POLA1: variants seen among roughly 807,000 people sequenced by gnomAD.
The protein encoded by POLA1 is DNA polymerase alpha 1, catalytic subunit, also known as DNA polymerase alpha catalytic subunit.
In POLA1, 15 loss-of-function variants were observed where a neutral mutation model predicts 124.0. That is an observed-to-expected ratio of 0.12 (90% CI 0.08 to 0.19). POLA1 has a LOEUF of 0.19. Ranked by LOEUF, POLA1 falls within the 10% of genes least tolerant of loss-of-function variation. The probability of loss-of-function intolerance (pLI) is 1.00; values close to 1 mark genes in which losing one functional copy is unlikely to be tolerated. For missense variants in POLA1, 886 were observed against 1,103.4 expected (o/e 0.80, Z 2.79); for synonymous variants, 408 against 389.4 (o/e 1.05, Z -0.56).
Position 24,725,048 on chromosome X carries a change from G to A in POLA1, c.1317+597G>A, listed in dbSNP as rs142761209. On this transcript the variant is annotated intron_variant, in intron 12 of 36. Transcript: ENST00000379068. ...TTAACTATTTGAGTTTTGAATTGCC[G>A]CTGATGAGTCAAGTCTTTATAATTC... is the stretch of plus-strand genomic sequence containing the variant. Among the ~76,000 whole-genome samples the A allele has an allele frequency of 2.7e-5, 3 of 111,309 alleles. No homozygotes were observed. The East Asian group carries it at 8.4e-4, about 31-fold the overall frequency.
At chrX:24,820,592 C>G (rs1355954598) in intron 30 of POLA1, among the ~76,000 whole-genome samples, 3 of 111,632 alleles carry the variant, frequency 2.7e-5, no homozygotes, top group Non-Finnish European at 5.6e-5. Context: ...CTTCTAGTGC[C>G]AGCTTAGTTT....
At chrX:24,708,991 C>A (rs1319529351) in intron 4 of POLA1, among the ~76,000 whole-genome samples, 1 of 88,692 alleles carries the variant, frequency 1.1e-5, no homozygotes, top group Non-Finnish European at 2.4e-5. Context: ...ACCTCCCGGA[C>A]GGGGCGGCTG....
intron 31 of POLA1, 66 bp downstream of exon 31, chrX:24,821,649 A>G (rs1320901188): frequency 2.3e-6 from 2 of 866,673 alleles, no homozygotes. Context: ...CCAAATTACC[A>G]CAGTGTCTTA....
chrX:24,732,386 C>T lies in POLA1; in HGVS notation c.1703C>T (p.Ala568Val). The T allele has an allele frequency of 8.4e-7, 1 of 1,195,803 alleles. No individual in the cohort carries two copies. The highest frequency in any genetic ancestry group is 1.1e-6 in the Non-Finnish European group (1 of 881,350). The change falls in exon 16 of 37, where the codon GCT (alanine) becomes GTT (valine). Residue 568 changes from alanine to valine, a missense_variant. By Grantham distance (64) the Ala-to-Val change is moderately conservative. Transcript: ENST00000379068. ...NHQNEIIAMAALVHHSFALDK... is the reference protein window; with the variant it reads ...NHQNEIIAMAVLVHHSFALDK... ...TCTTTGCAGATTATTGCTATGGCAG[C>T]TTTGGTCCATCACAGTTTTGCATTG...
rs776375253 is a variant in POLA1, at chrX:24,743,279, G to A, written c.2516G>A (p.Gly839Glu). ...IDGDTNKYKKGRKKAAYAGGL... is the reference protein window; with the variant it reads ...IDGDTNKYKKERKKAAYAGGL... ...GGAGATACCAATAAATACAAGAAAG[G>A]ACGTAAGAAAGCAGCTTATGCTGGA... Residue 839 changes from glycine (G) to glutamate (E), a missense_variant, in exon 23 of 37, where the codon GGA becomes GAA. By Grantham distance (98) the Gly-to-Glu change is moderately conservative. Around this residue, in one of 7 missense-constraint regions of POLA1, gnomAD observed 182 missense variants for 252.8 expected, o/e 0.72. Transcript: ENST00000379068. 1.6e-5 allele frequency: 19 copies of A among 1,175,334 alleles called. No individual in the cohort carries two copies. The highest frequency in any genetic ancestry group is 4.7e-4 in the Middle Eastern group (2 of 4,283).
chrX:24,748,760 C>A, intron 25 of POLA1, 110 bp from the exon 26 acceptor site: 1 of 786,679 alleles, frequency 1.3e-6, no homozygotes, highest in South Asian at 2.6e-5. Flanking sequence ...CTTTTTTATT[C>A]AGGGATATTG....
At chrX:24,699,648 A>T in intron 2 of POLA1, 99 bp downstream of exon 2, 1 of 661,610 alleles carries the variant, frequency 1.5e-6, no homozygotes, top group South Asian at 6.7e-5. Flanking sequence ...AGAAATACTC[A>T]TATATTTTAA....
At chrX:24,937,175 C>T (rs186281982) in intron 36 of POLA1, among the ~76,000 whole-genome samples, 255 of 111,280 alleles carry the variant, frequency 2.3e-3, no homozygotes, top group African/African-American at 8.1e-3. Context: ...TGTAGAAATA[C>T]GTAAAGAATT....
intron 32 of POLA1, 46 bp downstream of exon 32, chrX:24,826,647 A>G: frequency 2.3e-6 from 2 of 875,179 alleles, no homozygotes; most frequent in Non-Finnish European, 3.3e-6. Flanking sequence ...TAACAGGGGC[A>G]CATGTAGTCT....
intron 26 of POLA1, among the ~76,000 whole-genome samples, chrX:24,784,116 A>G (rs1354430205): frequency 1.1e-5 from 1 of 94,434 alleles, no homozygotes; most frequent in Non-Finnish European, 2.0e-5. Context: ...AAGCTGGCAC[A>G]GTCTCAGCTC....
chrX:24,771,718 G>A (rs1221777621), intron 26 of POLA1, among the ~76,000 whole-genome samples: 2 of 111,692 alleles, frequency 1.8e-5, no homozygotes, highest in Non-Finnish European at 3.8e-5. Flanking sequence ...CCCAGAACAG[G>A]TACTGTTGGT....
chrX:24,969,853 T>G (rs1188698998), intron 36 of POLA1, among the ~76,000 whole-genome samples: 6 of 110,605 alleles, frequency 5.4e-5, no homozygotes, highest in Admixed American at 1.9e-4. Context: ...ACAATGTGTG[T>G]TGTTCTTCCC....
chrX:24,697,964 T>C (rs773977472), intron 1 of POLA1, among the ~76,000 whole-genome samples: 3 of 107,155 alleles, frequency 2.8e-5, no homozygotes, highest in African/African-American at 6.8e-5. Flanking sequence ...TTTTTTGAGA[T>C]AGAGTCTCGC....
At chrX:24,896,815 AG>A (rs2047212241) in intron 35 of POLA1, among the ~76,000 whole-genome samples, 1 of 112,743 alleles carries the variant, frequency 8.9e-6, no homozygotes, top group African/African-American at 3.2e-5. Flanking sequence ...GTTATAAAAT[AG>A]TACCCCTTTA....
chrX:24,742,167 C>G lies in POLA1; in HGVS notation c.2466+46C>G, dbSNP rs368459489. ...TATTTTGTTTTCTCTTAACCCCCCCCCCCCTTTTAATACCTAGATAGCCTT... is the reference window on the plus strand; with the variant it reads ...TATTTTGTTTTCTCTTAACCCCCCCGCCCCTTTTAATACCTAGATAGCCTT... On this transcript the variant is annotated intron_variant, in intron 22 of 36. Coordinates refer to ENST00000379068, the MANE Select transcript of POLA1 (RefSeq NM_001330360.2). The G allele has an allele frequency of 1.2e-4, 107 of 878,496 alleles. 1 individual carries two copies. The highest frequency in any genetic ancestry group is 1.2e-3 in the African/African-American group (53 of 45,380). 72.4% of individuals were successfully genotyped at this position (878,496 alleles called of 1,213,427 possible).
chrX:24,973,675 G>T (rs2048330534), intron 36 of POLA1, among the ~76,000 whole-genome samples: 2 of 111,983 alleles, frequency 1.8e-5, no homozygotes, highest in South Asian at 3.8e-4. Context: ...GCTCTCTTTG[G>T]TTATTCTGAA....
intron 35 of POLA1, among the ~76,000 whole-genome samples, chrX:24,901,370 C>A (rs2047276006): frequency 9.0e-6 from 1 of 110,539 alleles, no homozygotes; most frequent in South Asian, 3.9e-4. Flanking sequence ...GTATAAAGGG[C>A]CTAAGATAGG....
intron 35 of POLA1, among the ~76,000 whole-genome samples, chrX:24,922,042 G>GA (rs930073225): frequency 1.8e-5 from 2 of 110,806 alleles, no homozygotes; most frequent in African/African-American, 6.6e-5. Context: ...GCTTAGATCT[G>GA]AAAAGAAATC....
intron 36 of POLA1, among the ~76,000 whole-genome samples, chrX:24,973,163 CA>C (rs767110357): frequency 6.7e-4 from 74 of 111,264 alleles, no homozygotes; most frequent in Non-Finnish European, 1.3e-3. Context: ...CGAGACCAGC[CA>C]TGGCCAACAT....
Sources: allele counts gnomAD v4.1 joint callset (sites outside exome capture counted in the v4.1 genomes callset), GRCh38; gene constraint gnomAD v4.1.1; regional missense constraint gnomAD v4.1.1; transcripts MANE v1.5; gene names NCBI Gene and HGNC (gene_info 2026-07-23, HGNC 2026-07-21).